The following TARS1 variants were observed in gnomAD, a reference collection of about 807,000 sequenced individuals.
The protein encoded by TARS1 is threonine--tRNA ligase 1, cytoplasmic.
A neutral mutation model predicts 97.7 loss-of-function variants in TARS1; 57 were observed. The observed-to-expected ratio is 0.58, with a 90% CI of 0.47 to 0.73. The LOEUF (loss-of-function observed/expected upper bound fraction) is 0.73, where lower values mean the gene tolerates loss of function less well. Among genes scored for constraint, TARS1 ranks in the 30% least tolerant of loss-of-function variants. TARS1 has a pLI of 0.00. For missense variants in TARS1, 806 were observed against 888.3 expected, an observed-to-expected ratio of 0.91 and a Z score of 1.18; for synonymous variants, 312 against 293.7, an observed-to-expected ratio of 1.06 and a Z score of -0.64.
intron 8 of TARS1, 122 bp from the exon 9 acceptor site, chr5:33,457,135 C>T (rs754677884): frequency 1.6e-4 from 186 of 1,179,092 alleles, no homozygotes; most frequent in Non-Finnish European, 2.1e-4. Context: ...GGATAGAAAA[C>T]AGCCAACTTT....
intron 13 of TARS1, 138 bp from the exon 14 acceptor site, chr5:33,461,529 C>A: frequency 1.0e-6 from 1 of 994,538 alleles, no homozygotes; most frequent in Non-Finnish European, 1.5e-6. Context: ...TTGGTATGAG[C>A]ATATGTTCAG....
chr5:33,446,606 G>A (rs1293019298), intron 2 of TARS1: 2 of 1,191,312 alleles, frequency 1.7e-6, no homozygotes, highest in East Asian at 5.7e-5. Flanking sequence ...TCCCCTCCAA[G>A]GGCAACTTGC....
rs767290886 is a variant in TARS1 at position 33,453,351 on chromosome 5, G to A, written c.392G>A (p.Arg131His). The change falls in exon 4 of 19, where the codon CGC becomes CAC. Residue 131 changes from arginine (R) to histidine (H), a missense_variant. Physicochemically the swap from Arg to His is conservative, Grantham distance 29 (BLOSUM62 0). This residue lies in a region of TARS1 where 356 missense variants were observed against 357.8 expected (regional missense o/e 0.99). Coordinates refer to ENST00000265112, the MANE Select transcript of TARS1 (RefSeq NM_152295.5). ...KVNNVVWDLD[R>H]PLEEDCTLEL... Reference sequence around the variant, plus strand: ...AATAATGTTGTGTGGGACCTGGACCGCCCTCTGGAAGAAGATTGTACCTTG... The same window carrying A: ...AATAATGTTGTGTGGGACCTGGACCACCCTCTGGAAGAAGATTGTACCTTG... 6.7e-5 allele frequency: 107 copies of A among 1,601,214 alleles called. 1 individual carries two copies. The South Asian group carries it at 9.7e-4, about 15-fold the overall frequency.
chr5:33,444,240 C>T (rs917994678), intron 1 of TARS1, among the ~76,000 whole-genome samples: 2 of 152,112 alleles, frequency 1.3e-5, no homozygotes, highest in Admixed American at 1.3e-4. Context: ...TTAATGGTTG[C>T]CAGGGTCTGG....
At chr5:33,447,973 T>C (rs1393614917) in intron 2 of TARS1, among the ~76,000 whole-genome samples, 2 of 152,240 alleles carry the variant, frequency 1.3e-5, no homozygotes, top group African/African-American at 4.8e-5. Flanking sequence ...ATATAGAATA[T>C]TTTTGTTAAT....
intron 14 of TARS1, 38 bp downstream of exon 14, chr5:33,461,782 C>T: frequency 1.2e-6 from 2 of 1,603,012 alleles, no homozygotes; most frequent in Non-Finnish European, 1.7e-6. Flanking sequence ...ATGATTTTCA[C>T]TTGTGGATGA....
At chr5:33,459,605 G>A (rs1742194161) in intron 10 of TARS1, 90 bp from the exon 11 acceptor site, 1 of 1,421,674 alleles carries the variant, frequency 7.0e-7, no homozygotes. Context: ...TTTTTCATGA[G>A]AGAGTATAAA....
rs1240840651 is a variant in TARS1 at position 33,461,012 on chromosome 5, G to T, written c.1361G>T (p.Arg454Leu). 10 of 1,613,998 alleles carry T rather than the reference G, an allele frequency of 6.2e-6. No individual in the cohort carries two copies. The highest frequency in any genetic ancestry group is 8.5e-6 in the Non-Finnish European group (10 of 1,180,020). ...TCTGGAGCACTCACAGGACTCACCC[G>T]GGTACGAAGATTCCAACAGGATGAT... ...ELSGALTGLT[R>L]VRRFQQDDAH... Residue 454 changes from arginine (R) to leucine (L), a missense_variant, in exon 12 of 19, where the codon CGG (arginine) becomes CTG (leucine). This residue lies in a region of TARS1 where 446 missense variants were observed against 511.0 expected (regional missense o/e 0.87). Coordinates refer to ENST00000265112, the MANE Select transcript of TARS1 (RefSeq NM_152295.5).
At chr5:33,459,583 C>G in intron 10 of TARS1, 112 bp from the exon 11 acceptor site, 1 of 1,250,788 alleles carries the variant, frequency 8.0e-7, no homozygotes, top group Non-Finnish European at 1.1e-6. Context: ...TGAATCATGG[C>G]ATGTGTCCAT....
chr5:33,441,287 G>A, intron 1 of TARS1, 144 bp downstream of exon 1: 1 of 921,252 alleles, frequency 1.1e-6, no homozygotes, highest in South Asian at 1.5e-5. Context: ...GGGACTCCTG[G>A]AAAGTCGGAA....
At chr5:33,454,290 T>G (rs192692102) in intron 4 of TARS1, among the ~76,000 whole-genome samples, 1 of 152,350 alleles carries the variant, frequency 6.6e-6, no homozygotes, top group East Asian at 1.9e-4. Context: ...TTTTCAAATG[T>G]ATTTTGGAGC....
At chr5:33,455,727 G>GCCCC (rs754197109) in intron 6 of TARS1, 23 bp downstream of exon 6, 1 of 1,476,358 alleles carries the variant, frequency 6.8e-7, no homozygotes, top group African/African-American at 1.4e-5. Context: ...ATAGTGCGTG[G>GCCCC]CCCCCACTGT....
Position 33,454,956 on chromosome 5 carries a change from C to T in TARS1, c.465C>T (p.His155=). The T allele has an allele frequency of 1.2e-6, 2 of 1,613,636 alleles. No homozygotes were observed. Among genetic ancestry groups the T allele is most frequent in the Non-Finnish European group, 1.7e-6 (2 of 1,179,736 alleles). ...EDEEAQAVYW[H]SSAHIMGEAM... ...CTTTAAATTTTCAGGTGTATTGGCA[C>T]TCTAGTGCTCACATAATGGGTGAAG... is the stretch of plus-strand genomic sequence containing the variant. The change falls in exon 5 of 19, where the codon CAC becomes CAT. Residue 155 remains histidine (H), a synonymous_variant. Coordinates refer to ENST00000265112, the MANE Select transcript of TARS1 (RefSeq NM_152295.5).
chr5:33,458,568 C>T lies in TARS1; in HGVS notation c.987C>T (p.Asp329=), dbSNP rs369682590. 4.3e-6 allele frequency: 7 copies of T among 1,612,350 alleles called. No individual in the cohort carries two copies. Among genetic ancestry groups the T allele is most frequent in the Non-Finnish European group, 5.9e-6 (7 of 1,179,380 alleles). ...KNRDHRKIGR[D]QELYFFHELS... ...TCTTTTGCTTTTCTTTTACCCAGGA[C>T]CAAGAACTATATTTCTTTCATGAAC... Residue 329 remains aspartate (D), a splice_region_variant and synonymous_variant, in exon 10 of 19, where the codon GAC becomes GAT. Transcript: ENST00000265112.
chr5:33,454,768 CT>C (rs1289705504), intron 4 of TARS1, among the ~76,000 whole-genome samples, 176 bp from the exon 5 acceptor site: 73 of 152,240 alleles, frequency 4.8e-4, no homozygotes, highest in African/African-American at 1.7e-3. Context: ...AATTGGAAGC[CT>C]TTTGAATTAC....
chr5:33,459,115 T>C (rs1418855633), intron 10 of TARS1, among the ~76,000 whole-genome samples: 1 of 152,138 alleles, frequency 6.6e-6, no homozygotes, highest in African/African-American at 2.4e-5. Flanking sequence ...AAAAATTAGT[T>C]GTTTAAAAAG....
In TARS1 at chr5:33,467,688, C is replaced by A. The variant is rs1282788419; in HGVS notation, c.2152C>A (p.Gln718Lys). The A allele has an allele frequency of 6.2e-7, 1 of 1,611,764 alleles. No homozygotes were observed. The highest frequency in any genetic ancestry group is 8.5e-7 in the Non-Finnish European group (1 of 1,179,312). The change falls in exon 19 of 19, where the codon CAG becomes AAG. Residue 718 changes from glutamine (Q) to lysine (K), a missense_variant. Physicochemically the swap from Gln to Lys is moderately conservative, Grantham distance 53. This residue lies in a region of TARS1 where 446 missense variants were observed against 511.0 expected (regional missense o/e 0.87). Coordinates refer to ENST00000265112, the MANE Select transcript of TARS1 (RefSeq NM_152295.5). Reference sequence around the variant, plus strand: ...GCAGCTCAAAGAGTTCCGCAGCAAACAGGCAGAAGAAGAATTTTAATGAAA... The same window carrying A: ...GCAGCTCAAAGAGTTCCGCAGCAAAAAGGCAGAAGAAGAATTTTAATGAAA... Reference protein sequence around the residue: ...LQQLKEFRSKQAEEEF With the variant: ...LQQLKEFRSKKAEEEF
intron 1 of TARS1, among the ~76,000 whole-genome samples, chr5:33,443,812 C>T (rs1476350820): frequency 6.6e-6 from 1 of 152,050 alleles, no homozygotes; most frequent in African/African-American, 2.4e-5. Context: ...TTCTTTTTAC[C>T]CAGTATACTT....
intron 3 of TARS1, among the ~76,000 whole-genome samples, chr5:33,449,445 CTTTTTTTTTTTTTTTT>C (rs57691465): frequency 7.2e-5 from 5 of 69,148 alleles, no homozygotes; most frequent in African/African-American, 2.3e-4. Flanking sequence ...TTTTTTCTTT[CTTTTTTTTTTTTTTTT>C]TTTTTTTTTG....
Sources: gnomAD v4.1 joint callset for allele counts (sites outside exome capture counted in the v4.1 genomes callset) on GRCh38, gnomAD v4.1.1 for gene constraint, gnomAD v4.1.1 regional missense constraint, MANE v1.5 for transcripts, NCBI Gene and HGNC (gene_info 2026-07-23, HGNC 2026-07-21) for gene names.